Variants in COPS4 observed in about 807,000 individuals in gnomAD.
COPS4 encodes the protein COP9 signalosome complex subunit 4.
Under a neutral mutation model 55.1 loss-of-function variants are expected in COPS4, and 8 were observed. The observed-to-expected ratio is 0.15, with a 90% CI of 0.09 to 0.26. The LOEUF (loss-of-function observed/expected upper bound fraction) is 0.26, where lower values mean the gene tolerates loss of function less well. COPS4 is among the 10% of genes least tolerant of loss of function. COPS4 has a pLI of 1.00. For missense variants in COPS4, 248 were observed against 484.0 expected, an observed-to-expected ratio of 0.51 and a Z score of 4.58; for synonymous variants, 185 against 165.7, an observed-to-expected ratio of 1.12 and a Z score of -0.90.
chr4:83,071,213 C>G (rs1731421283), intron 9 of COPS4, among the ~76,000 whole-genome samples: 1 of 152,146 alleles, frequency 6.6e-6, no homozygotes, highest in Admixed American at 6.6e-5. Flanking sequence ...GGTATTAAGT[C>G]TGTCTTATTT....
chr4:83,038,849 T>C (rs1487086617), intron 1 of COPS4, among the ~76,000 whole-genome samples: 1 of 152,202 alleles, frequency 6.6e-6, no homozygotes, highest in Non-Finnish European at 1.5e-5. Flanking sequence ...TTCACCATGT[T>C]GGCCAGGATG....
At chr4:83,043,974 T>A (rs567988629) in intron 1 of COPS4, among the ~76,000 whole-genome samples, 2 of 152,240 alleles carry the variant, frequency 1.3e-5, no homozygotes, top group South Asian at 4.1e-4. Flanking sequence ...TTTGTATGAG[T>A]TGAGAGTCAG....
chr4:83,038,612 A>G (rs1730483013), intron 1 of COPS4, among the ~76,000 whole-genome samples: 2 of 127,704 alleles, frequency 1.6e-5, no homozygotes, highest in South Asian at 5.7e-4. Context: ...AAATTATATT[A>G]GCACTTACCT....
At chr4:83,074,176 A>T (rs1731507948) in intron 9 of COPS4, among the ~76,000 whole-genome samples, 1 of 152,162 alleles carries the variant, frequency 6.6e-6, no homozygotes, top group Non-Finnish European at 1.5e-5. Context: ...GAATGTGTAA[A>T]CAGACTTGCT....
intron 6 of COPS4, among the ~76,000 whole-genome samples, chr4:83,060,177 G>A (rs1490510232): frequency 5.5e-5 from 8 of 146,620 alleles, no homozygotes; most frequent in Admixed American, 7.0e-5. Context: ...CTTGACAGAT[G>A]GTATAGTTCT....
chr4:83,067,813 T>G (rs1731325278), intron 8 of COPS4, among the ~76,000 whole-genome samples: 1 of 152,230 alleles, frequency 6.6e-6, no homozygotes, highest in Admixed American at 6.5e-5. Context: ...GATCTCTTGC[T>G]GAGACTATTG....
intron 9 of COPS4, among the ~76,000 whole-genome samples, chr4:83,074,233 T>A (rs911530654): frequency 3.3e-5 from 5 of 152,174 alleles, no homozygotes; most frequent in Non-Finnish European, 7.3e-5. Context: ...GCCTTGGTGA[T>A]GAAAAGACAG....
At chr4:83,061,526 G>T (rs949370926) in intron 6 of COPS4, among the ~76,000 whole-genome samples, 1 of 151,986 alleles carries the variant, frequency 6.6e-6, no homozygotes, top group Admixed American at 6.6e-5. Flanking sequence ...TTGTTATTTA[G>T]TATTCCATTG....
At chr4:83,050,969 G>A (rs541813013) in intron 4 of COPS4, among the ~76,000 whole-genome samples, 1 of 151,954 alleles carries the variant, frequency 6.6e-6, no homozygotes, top group South Asian at 2.1e-4. Flanking sequence ...TGGTTAAGAG[G>A]CTTATGAGAC....
At chr4:83,075,112 A>G (rs1233775909) in intron 9 of COPS4, among the ~76,000 whole-genome samples, 185 bp from the exon 10 acceptor site, 2 of 152,104 alleles carry the variant, frequency 1.3e-5, no homozygotes, top group African/African-American at 2.4e-5. Flanking sequence ...GCAAGACTCC[A>G]TCTCAAAAAA....
At chr4:83,048,338 A>G (rs1249275519) in intron 2 of COPS4, among the ~76,000 whole-genome samples, 1 of 152,222 alleles carries the variant, frequency 6.6e-6, no homozygotes. Flanking sequence ...TAATGTCAAT[A>G]CATCTAGTGC....
At chr4:83,062,217 T>C (rs1731177385) in intron 6 of COPS4, among the ~76,000 whole-genome samples, 1 of 152,230 alleles carries the variant, frequency 6.6e-6, no homozygotes, top group South Asian at 2.1e-4. Flanking sequence ...TCATCTTTTA[T>C]AAATTTTTAT....
chr4:83,035,506 A>T (rs1730394650), intron 1 of COPS4: 3 of 397,012 alleles, frequency 7.6e-6, no homozygotes, highest in South Asian at 6.2e-5. Context: ...GAGGCTATAG[A>T]CTTGAAATGA....
chr4:83,048,565 A>G (rs1730777260), intron 2 of COPS4, among the ~76,000 whole-genome samples: 1 of 152,134 alleles, frequency 6.6e-6, no homozygotes, highest in South Asian at 2.1e-4. Context: ...ATCAACTTTT[A>G]AAACTTTTTT....
chr4:83,060,558 G>A (rs1473559454), intron 6 of COPS4, among the ~76,000 whole-genome samples: 2 of 150,570 alleles, frequency 1.3e-5, no homozygotes, highest in Non-Finnish European at 3.0e-5. Context: ...TACCCACCTC[G>A]GCCTCCCAAA....
Position 83,057,054 on chromosome 4 carries a change from A to G in COPS4, c.539A>G (p.Asn180Ser), listed in dbSNP as rs1168878990. ...RASLLQNEST[N>S]EQLQIHYKVC... is the part of the protein sequence containing the mutation. Reference sequence around the variant, plus strand: ...TCGTTGCTTCAGAATGAATCAACCAATGAACAATTACAGATACATTATAAG... The same window carrying G: ...TCGTTGCTTCAGAATGAATCAACCAGTGAACAATTACAGATACATTATAAG... The change falls in exon 5 of 10, where the codon AAT becomes AGT. Residue 180 changes from asparagine to serine, a missense_variant. Coordinates refer to ENST00000264389, the MANE Select transcript of COPS4 (RefSeq NM_016129.3). The G allele has an allele frequency of 1.9e-6, 3 of 1,613,818 alleles. No individual in the cohort carries two copies. The highest frequency in any genetic ancestry group is 1.7e-6 in the Non-Finnish European group (2 of 1,179,912).
intron 7 of COPS4, among the ~76,000 whole-genome samples, chr4:83,066,146 T>C (rs545406869): frequency 1.3e-5 from 2 of 152,036 alleles, no homozygotes; most frequent in Non-Finnish European, 2.9e-5. Context: ...AATGAAACTC[T>C]GTCTCAAAAA....
At chr4:83,044,816 ACT>A (rs1197332295) in intron 1 of COPS4, among the ~76,000 whole-genome samples, 1 of 152,146 alleles carries the variant, frequency 6.6e-6, no homozygotes, top group African/African-American at 2.4e-5. Flanking sequence ...ATAGTATAAC[ACT>A]CATATACTAA....
At chr4:83,067,056 GTTTA>G (rs976849359) in intron 8 of COPS4, among the ~76,000 whole-genome samples, 12 of 151,872 alleles carry the variant, frequency 7.9e-5, no homozygotes, top group African/African-American at 1.2e-4. Flanking sequence ...TTTTTTGTCT[GTTTA>G]TTTATTTTAT....
Sources: gnomAD v4.1 joint callset for allele counts (sites outside exome capture counted in the v4.1 genomes callset) on GRCh38, gnomAD v4.1.1 for gene constraint, MANE v1.5 for transcripts, NCBI Gene and HGNC (gene_info 2026-07-23, HGNC 2026-07-21) for gene names.